Variants in PRR16 observed in about 807,000 individuals in gnomAD.
The protein encoded by PRR16 is proline rich 16.
Under a neutral mutation model 18.2 loss-of-function variants are expected in PRR16, and 6 were observed. The observed-to-expected ratio is 0.33, with a 90% CI of 0.18 to 0.65. The LOEUF (loss-of-function observed/expected upper bound fraction) is 0.65, where lower values mean the gene tolerates loss of function less well. PRR16 is among the 30% of genes least tolerant of loss of function. The probability of loss-of-function intolerance (pLI) is 0.74; values close to 1 mark genes in which losing one functional copy is unlikely to be tolerated. For missense variants in PRR16, 412 were observed against 376.6 expected, an observed-to-expected ratio of 1.09 and a Z score of -0.78; for synonymous variants, 151 against 147.8, an observed-to-expected ratio of 1.02 and a Z score of -0.16.
At chr5:120,519,596 G>T (rs1751107555) in intron 1 of PRR16, among the ~76,000 whole-genome samples, 1 of 151,914 alleles carries the variant, frequency 6.6e-6, no homozygotes, top group South Asian at 2.1e-4. Context: ...ATGTTAAAAG[G>T]CCAGTTTTCT....
chr5:120,631,342 C>G (rs777637267), intron 1 of PRR16, among the ~76,000 whole-genome samples: 1 of 152,094 alleles, frequency 6.6e-6, no homozygotes, highest in Non-Finnish European at 1.5e-5. Context: ...AATCAACAGA[C>G]CTTTTGAAGG....
At chr5:120,683,219 G>T (rs1447122450) in intron 1 of PRR16, among the ~76,000 whole-genome samples, 1 of 152,052 alleles carries the variant, frequency 6.6e-6, no homozygotes, top group East Asian at 1.9e-4. Flanking sequence ...TGAGCTGGTT[G>T]GTTGTTAAAC....
chr5:120,776,752 C>G, the PRR16 span, among the ~76,000 whole-genome samples: 1 of 151,870 alleles, frequency 6.6e-6, no homozygotes, highest in Non-Finnish European at 1.5e-5. Flanking sequence ...TTGTTAAAGT[C>G]TCTCTCATAT....
chr5:120,469,850 C>T (rs1749213219), intron 1 of PRR16, among the ~76,000 whole-genome samples: 1 of 152,162 alleles, frequency 6.6e-6, no homozygotes, highest in Admixed American at 6.5e-5. Flanking sequence ...AGCCAATAAT[C>T]ATCCATCACT....
chr5:120,787,323 G>A, the PRR16 span, among the ~76,000 whole-genome samples: 1 of 152,202 alleles, frequency 6.6e-6, no homozygotes, highest in African/African-American at 2.4e-5. Flanking sequence ...TTGTTTAGTG[G>A]GTCTGAGGTA....
chr5:120,640,725 T>C (rs1227668004), intron 1 of PRR16, among the ~76,000 whole-genome samples: 1 of 152,154 alleles, frequency 6.6e-6, no homozygotes, highest in Non-Finnish European at 1.5e-5. Flanking sequence ...TCAATGGTAC[T>C]GTCAAATGAC....
chr5:120,613,511 A>G (rs1215785161), intron 1 of PRR16, among the ~76,000 whole-genome samples: 1 of 152,070 alleles, frequency 6.6e-6, no homozygotes, highest in East Asian at 1.9e-4. Context: ...AATAACTTAT[A>G]TGTAGGCTTC....
intron 1 of PRR16, among the ~76,000 whole-genome samples, chr5:120,541,189 C>T (rs1353059678): frequency 1.3e-5 from 2 of 152,096 alleles, no homozygotes; most frequent in African/African-American, 4.8e-5. Flanking sequence ...GTCTGTCATC[C>T]AGGTTGGAGA....
the PRR16 span, among the ~76,000 whole-genome samples, chr5:120,792,464 A>G: frequency 6.6e-6 from 1 of 152,172 alleles, no homozygotes; most frequent in Non-Finnish European, 1.5e-5. Flanking sequence ...CTATTCTCAC[A>G]AGTCAGTATT....
intron 1 of PRR16, among the ~76,000 whole-genome samples, chr5:120,490,954 G>T (rs1750013173): frequency 6.6e-6 from 1 of 152,210 alleles, no homozygotes; most frequent in African/African-American, 2.4e-5. Context: ...AGCAGCGGAG[G>T]CTGCACAACA....
intron 1 of PRR16, among the ~76,000 whole-genome samples, chr5:120,646,258 C>A (rs934420462): frequency 1.3e-5 from 2 of 151,624 alleles, no homozygotes; most frequent in Admixed American, 6.6e-5. Context: ...TCTATCATAT[C>A]TATCATACCA....
the PRR16 span, among the ~76,000 whole-genome samples, chr5:120,734,105 G>A: frequency 6.6e-6 from 1 of 152,116 alleles, no homozygotes; most frequent in Non-Finnish European, 1.5e-5. Flanking sequence ...GCACACAGGG[G>A]ATGTAAGCCC....
In PRR16 at chr5:120,521,668, CTTCTT is replaced by C. The variant is rs202055449; in HGVS notation, c.159+57031_159+57035del. On this transcript the variant is annotated intron_variant, in intron 1 of 1. Coordinates refer to ENST00000407149, the MANE Select transcript of PRR16 (RefSeq NM_001300783.2). ...GTGGTAATAACATTCAAAATCTCTTCTTCTTTTCTTTTTTTTATTATACTTTAAGT... is the reference window on the plus strand; with the variant it reads ...GTGGTAATAACATTCAAAATCTCTTCTTCTTTTTTTTATTATACTTTAAGT... 2.2e-3 allele frequency among the ~76,000 whole-genome samples: 331 copies of C among 152,030 alleles called. 4 individuals carry two copies. In the East Asian group the frequency reaches 0.029, roughly 13 times the overall value.
intron 1 of PRR16, among the ~76,000 whole-genome samples, chr5:120,490,012 G>T (rs992144809): frequency 2.0e-5 from 3 of 152,112 alleles, no homozygotes; most frequent in South Asian, 2.1e-4. Flanking sequence ...AGTTTCTGCC[G>T]AGAGATCAGC....
At chr5:120,604,143 C>A (rs58934261) in intron 1 of PRR16, among the ~76,000 whole-genome samples, 1 of 151,556 alleles carries the variant, frequency 6.6e-6, no homozygotes, top group Non-Finnish European at 1.5e-5. Context: ...TGTCTAACAC[C>A]GTCAGTGGAG....
intron 1 of PRR16, among the ~76,000 whole-genome samples, chr5:120,559,536 C>T (rs1561545822): frequency 6.6e-6 from 1 of 151,722 alleles, no homozygotes; most frequent in Non-Finnish European, 1.5e-5. Context: ...TATGTTAGTA[C>T]CATACTGTTT....
intron 1 of PRR16, chr5:120,658,350 G>GAA (rs70985235): frequency 1.2e-3 from 170 of 143,178 alleles, no homozygotes; most frequent in African/African-American, 2.4e-3. Context: ...ATGAGTGGGG[G>GAA]AAAAAAAAAA....
At chr5:120,487,140 C>T (rs1005886523) in intron 1 of PRR16, among the ~76,000 whole-genome samples, 10 of 150,836 alleles carry the variant, frequency 6.6e-5, no homozygotes, top group South Asian at 2.1e-4. Flanking sequence ...GCTCTTTTCT[C>T]GTTCCATATG....
intron 1 of PRR16, among the ~76,000 whole-genome samples, chr5:120,671,453 A>G (rs970930452): frequency 6.6e-6 from 1 of 152,142 alleles, no homozygotes. Context: ...ATTACTTGGA[A>G]TTCATGATAA....
Sources: allele counts gnomAD v4.1 joint callset (sites outside exome capture counted in the v4.1 genomes callset), GRCh38; gene constraint gnomAD v4.1.1; transcripts MANE v1.5; gene names NCBI Gene and HGNC (gene_info 2026-07-23, HGNC 2026-07-21).